The following ULK4 variants were observed in gnomAD, a reference collection of about 807,000 sequenced individuals.
The protein encoded by ULK4 is unc-51 like kinase 4, also known as inactive serine/threonine-protein kinase ULK4.
ULK4 carries 133 observed loss-of-function variants against 160.6 expected under a neutral mutation model. That is an observed-to-expected ratio of 0.83 (90% confidence interval 0.72 to 0.96). ULK4 has a LOEUF of 0.96. ULK4 is among the 40% of genes least tolerant of loss of function. The pLI is 0.00. For missense variants in ULK4, 1,580 were observed against 1,499.5 expected, an observed-to-expected ratio of 1.05 and a Z score of -0.89; for synonymous variants, 534 against 539.8, an observed-to-expected ratio of 0.99 and a Z score of 0.15.
chr3:41,875,834 C>T (rs1448663471), intron 17 of ULK4, among the ~76,000 whole-genome samples: 1 of 151,680 alleles, frequency 6.6e-6, no homozygotes, highest in African/African-American at 2.4e-5. Flanking sequence ...TGTACCTTTA[C>T]AATGGAGCTC....
chr3:41,638,721 T>G (rs1278386479), intron 30 of ULK4, among the ~76,000 whole-genome samples: 3 of 152,212 alleles, frequency 2.0e-5, no homozygotes, highest in Admixed American at 6.5e-5. Context: ...CCAATAACTG[T>G]CATCACATAA....
At chr3:41,758,420 C>G (rs2038875468) in intron 21 of ULK4, among the ~76,000 whole-genome samples, 1 of 152,036 alleles carries the variant, frequency 6.6e-6, no homozygotes, top group Admixed American at 6.6e-5. Flanking sequence ...CAAAAAGGTC[C>G]AAGTCACTTA....
intron 33 of ULK4, among the ~76,000 whole-genome samples, chr3:41,456,430 T>C (rs957157350): frequency 6.6e-6 from 1 of 152,208 alleles, no homozygotes; most frequent in African/African-American, 2.4e-5. Context: ...TCTATATGCA[T>C]ACATATGCTC....
intron 30 of ULK4, among the ~76,000 whole-genome samples, chr3:41,623,033 G>A (rs1054493292): frequency 6.6e-6 from 1 of 152,070 alleles, no homozygotes; most frequent in South Asian, 2.1e-4. Context: ...CAGTTTGCAG[G>A]TTACCGCTTC....
chr3:41,374,292 C>G (rs544167094), intron 35 of ULK4, among the ~76,000 whole-genome samples: 2 of 152,250 alleles, frequency 1.3e-5, no homozygotes, highest in African/African-American at 4.8e-5. Flanking sequence ...TTTTATAAGG[C>G]CAGCATCATC....
intron 35 of ULK4, among the ~76,000 whole-genome samples, chr3:41,300,178 T>C (rs1272730126): frequency 2.6e-5 from 4 of 152,194 alleles, no homozygotes; most frequent in Admixed American, 6.5e-5. Flanking sequence ...TTTCTTTGAA[T>C]GGATAAAATC....
chr3:41,795,156 A>G (rs1181067464), intron 20 of ULK4, among the ~76,000 whole-genome samples: 1 of 152,240 alleles, frequency 6.6e-6, no homozygotes, highest in Non-Finnish European at 1.5e-5. Flanking sequence ...GGCAATTGTC[A>G]TTCCTTGCCA....
chr3:41,443,505 C>G (rs2083220073), intron 34 of ULK4, among the ~76,000 whole-genome samples: 2 of 152,136 alleles, frequency 1.3e-5, no homozygotes, highest in South Asian at 4.1e-4. Flanking sequence ...TGGTGATGTG[C>G]ACCTGTTATT....
intron 35 of ULK4, among the ~76,000 whole-genome samples, chr3:41,253,959 G>A (rs972951235): frequency 6.6e-6 from 1 of 152,156 alleles, no homozygotes; most frequent in Admixed American, 6.5e-5. Context: ...AACAATAAAT[G>A]TGTATACATC....
At chr3:41,696,158 T>A (rs1433036881) in intron 27 of ULK4, among the ~76,000 whole-genome samples, 1 of 152,134 alleles carries the variant, frequency 6.6e-6, no homozygotes, top group Non-Finnish European at 1.5e-5. Flanking sequence ...CCACCTCTTG[T>A]GGAAGGCCTG....
intron 30 of ULK4, among the ~76,000 whole-genome samples, chr3:41,621,817 T>C (rs774697256): frequency 6.6e-6 from 1 of 151,646 alleles, no homozygotes; most frequent in Non-Finnish European, 1.5e-5. Context: ...ACCATCAGAG[T>C]GAAAAGGCAA....
rs1339210966 is a variant in ULK4, at chr3:41,931,844, C to T, written c.541G>A (p.Gly181Arg). ...LKKSMKSRVK[G>R]SPVYTAPEVV... The stretch of plus-strand genomic sequence containing the variant: ...CTTTAAGCTTTCCAGGTCCACATAC[C>T]TTTGACTCTACTTTTCATGCTTTTC... Residue 181 changes from glycine to arginine, a missense_variant and splice_region_variant, in exon 5 of 37, where the codon GGA (glycine) becomes AGA (arginine). By Grantham distance (125) the Gly-to-Arg change is moderately radical. Coordinates refer to ENST00000301831, the MANE Select transcript of ULK4 (RefSeq NM_017886.4). 1.2e-6 allele frequency: 2 copies of T among 1,613,838 alleles called. No individual in the cohort carries two copies. The highest frequency in any genetic ancestry group is 1.7e-5 in the Admixed American group (1 of 59,988).
intron 29 of ULK4, among the ~76,000 whole-genome samples, chr3:41,676,122 G>T (rs1023376104): frequency 1.3e-5 from 2 of 152,126 alleles, no homozygotes; most frequent in Admixed American, 6.5e-5. Flanking sequence ...CTATGGAGCT[G>T]TGACCTAATA....
At chr3:41,914,332 T>C (rs1382338898) in intron 8 of ULK4, among the ~76,000 whole-genome samples, 2 of 152,176 alleles carry the variant, frequency 1.3e-5, no homozygotes, top group African/African-American at 4.8e-5. Flanking sequence ...AAGGTTCTTA[T>C]GGTTCACTAA....
chr3:41,541,879 CTT>C (rs750259859), intron 32 of ULK4, among the ~76,000 whole-genome samples: 5 of 152,190 alleles, frequency 3.3e-5, no homozygotes, highest in Non-Finnish European at 5.9e-5. Context: ...TATCCTGAGA[CTT>C]TGCTGAAGTT....
At chr3:41,265,346 C>T (rs574566797) in intron 35 of ULK4, among the ~76,000 whole-genome samples, 5 of 152,316 alleles carry the variant, frequency 3.3e-5, no homozygotes, top group Admixed American at 6.5e-5. Context: ...CACAGCCAGG[C>T]GGAGTGCAGC....
At chr3:41,687,097 G>A (rs988554029) in intron 27 of ULK4, among the ~76,000 whole-genome samples, 5 of 151,748 alleles carry the variant, frequency 3.3e-5, no homozygotes, top group Middle Eastern at 3.4e-3. Context: ...TATTTAGGCT[G>A]GGCGTAGTGG....
intron 17 of ULK4, among the ~76,000 whole-genome samples, chr3:41,867,201 C>T (rs1486863017): frequency 1.3e-5 from 2 of 152,054 alleles, no homozygotes. Flanking sequence ...TCTCCTTTTT[C>T]TAGCTTCTTA....
At chr3:41,805,107 A>G (rs1222150418) in intron 19 of ULK4, among the ~76,000 whole-genome samples, 3 of 152,158 alleles carry the variant, frequency 2.0e-5, no homozygotes, top group Non-Finnish European at 4.4e-5. Context: ...GATTCTTCCT[A>G]CCCATGAGCA....
Sources: gnomAD v4.1 joint callset for allele counts (sites outside exome capture counted in the v4.1 genomes callset) on GRCh38, gnomAD v4.1.1 for gene constraint, MANE v1.5 for transcripts, NCBI Gene and HGNC (gene_info 2026-07-23, HGNC 2026-07-21) for gene names.